The following CIB4 variants were observed in gnomAD, a reference collection of about 807,000 sequenced individuals.
CIB4 encodes the protein calcium and integrin-binding family member 4.
Under a neutral mutation model 25.8 loss-of-function variants are expected in CIB4, and 25 were observed. That is an observed-to-expected ratio of 0.97 (90% CI 0.71 to 1.35). The LOEUF is 1.35. Among genes scored for constraint, CIB4 ranks in the 40% most tolerant of loss-of-function variants. The pLI is 0.00. For synonymous variants in CIB4, 75 were observed against 81.4 expected, an observed-to-expected ratio of 0.92 and a Z score of 0.42; for missense variants, 235 against 228.2, an observed-to-expected ratio of 1.03 and a Z score of -0.19.
intron 3 of CIB4, among the ~76,000 whole-genome samples, chr2:26,604,535 GAA>G (rs1163251589): frequency 6.6e-6 from 1 of 152,022 alleles, no homozygotes; most frequent in African/African-American, 2.4e-5. Context: ...CTGAGAGAAA[GAA>G]AAAAGTCTCT....
At chr2:26,625,207 G>A (rs1436976102) in intron 3 of CIB4, among the ~76,000 whole-genome samples, 35 of 152,136 alleles carry the variant, frequency 2.3e-4, no homozygotes, top group Non-Finnish European at 5.9e-5. Flanking sequence ...TAGAACACCC[G>A]TCAGTGACAG....
intron 2 of CIB4, among the ~76,000 whole-genome samples, chr2:26,633,027 G>A (rs1306904737): frequency 1.3e-5 from 2 of 152,058 alleles, no homozygotes; most frequent in Non-Finnish European, 2.9e-5. Flanking sequence ...CAACTCTCAC[G>A]GACATTCTGC....
chr2:26,628,416 CA>C (rs1669349670), intron 3 of CIB4, among the ~76,000 whole-genome samples: 1 of 152,068 alleles, frequency 6.6e-6, no homozygotes, highest in African/African-American at 2.4e-5. Flanking sequence ...GTGAGGAAAC[CA>C]AGACCAGGGA....
chr2:26,601,608 G>A (rs539736737), intron 3 of CIB4, among the ~76,000 whole-genome samples: 4 of 151,990 alleles, frequency 2.6e-5, no homozygotes, highest in South Asian at 4.2e-4. Context: ...AATCTCGGGG[G>A]CAAAGACTGT....
intron 3 of CIB4, among the ~76,000 whole-genome samples, chr2:26,625,085 T>C (rs1230882526): frequency 6.6e-6 from 1 of 152,086 alleles, no homozygotes; most frequent in Non-Finnish European, 1.5e-5. Context: ...CTGTGGTAGA[T>C]GGCACACCAC....
intron 3 of CIB4, among the ~76,000 whole-genome samples, chr2:26,609,857 C>T (rs1298210953): frequency 3.9e-5 from 6 of 152,140 alleles, no homozygotes; most frequent in Admixed American, 6.5e-5. Flanking sequence ...TCCGAACAAC[C>T]AATATGAAAA....
rs752001912 is a variant in CIB4 at position 26,641,241 on chromosome 2, C to A, written c.54+20G>T. On this transcript the variant is annotated intron_variant, in intron 1 of 6. Transcript: ENST00000288861. Reference sequence around the variant, plus strand: ...GGAAGCTCCCACCTCTGCCCAGAGTCCCTAGCCCGATCTACCCACCTGGTA... The same window carrying A: ...GGAAGCTCCCACCTCTGCCCAGAGTACCTAGCCCGATCTACCCACCTGGTA... 2.5e-6 allele frequency: 4 copies of A among 1,604,148 alleles called. 1 individual carries two copies. The highest frequency in any genetic ancestry group is 3.3e-4 in the Middle Eastern group (2 of 6,052).
chr2:26,623,028 A>C (rs889308143), intron 3 of CIB4, among the ~76,000 whole-genome samples: 3 of 149,498 alleles, frequency 2.0e-5, no homozygotes, highest in African/African-American at 7.6e-5. Context: ...GATAAAAACT[A>C]AAAAAAATTT....
intron 3 of CIB4, among the ~76,000 whole-genome samples, chr2:26,606,492 C>A (rs75705911): frequency 2.6e-5 from 4 of 152,016 alleles, no homozygotes; most frequent in Non-Finnish European, 1.5e-5. Flanking sequence ...AGGACTCCCC[C>A]CTCCTCCCGC....
Position 26,581,523 on chromosome 2 carries a change from C to T in CIB4, c.528-130G>A, listed in dbSNP as rs367981004. 77 of 866,626 alleles carry T rather than the reference C, an allele frequency of 8.9e-5. No individual in the cohort carries two copies. In the African/African-American group the frequency reaches 1.0e-3, roughly 12 times the overall value. 53.7% of individuals were successfully genotyped at this position (866,626 alleles called of 1,614,324 possible). On this transcript the variant is annotated intron_variant, in intron 6 of 6. Coordinates refer to ENST00000288861, the MANE Select transcript of CIB4 (RefSeq NM_001029881.3). ...CGTGTCCCTTTCTCTGGGTGACGGC[C>T]ACTTTGCAGCCATCCCAAAGCAACC... is the stretch of plus-strand genomic sequence containing the variant.
chr2:26,632,705 C>T (rs944947790), intron 2 of CIB4, among the ~76,000 whole-genome samples: 2 of 150,348 alleles, frequency 1.3e-5, no homozygotes, highest in Non-Finnish European at 2.9e-5. Context: ...TTCCAGTGAG[C>T]TGAGATTGCG....
rs1238724291 is a variant in CIB4 at position 26,627,979 on chromosome 2, C to T, written c.186+1431G>A. Among the ~76,000 whole-genome samples the T allele has an allele frequency of 6.6e-6, 1 of 152,200 alleles. No individual in the cohort carries two copies. Among genetic ancestry groups the T allele is most frequent in the Non-Finnish European group, 1.5e-5 (1 of 68,046 alleles). On this transcript the variant is annotated intron_variant, in intron 3 of 6. Transcript: ENST00000288861. The surrounding 1 kb of genome is among the most constrained non-coding windows in gnomAD (Gnocchi z 4.0). ...CCTCCTCCCTGGTATCCCCAGGCCTCTTCCAAGTGGTGGCCACAGTTCTCA... is the reference window on the plus strand; with the variant it reads ...CCTCCTCCCTGGTATCCCCAGGCCTTTTCCAAGTGGTGGCCACAGTTCTCA...
chr2:26,632,466 C>T (rs77739016), intron 2 of CIB4, among the ~76,000 whole-genome samples: 127 of 152,056 alleles, frequency 8.4e-4, no homozygotes, highest in African/African-American at 2.9e-3. Flanking sequence ...CTACAAGGGG[C>T]GAGGGGTAGG....
rs879474454 is a variant in CIB4 at position 26,588,978 on chromosome 2, TTTC to T, written c.329-5083_329-5081del. Among the ~76,000 whole-genome samples, 140 of 69,872 alleles carry T rather than the reference TTTC, an allele frequency of 2.0e-3. 5 individuals carry two copies. Among genetic ancestry groups the T allele is most frequent in the Admixed American group, 6.5e-3 (43 of 6,618 alleles). 45.8% of individuals were successfully genotyped at this position (69,872 alleles called of 152,430 possible). On this transcript the variant is annotated intron_variant, in intron 4 of 6. Coordinates refer to ENST00000288861, the MANE Select transcript of CIB4 (RefSeq NM_001029881.3). Reference sequence around the variant, plus strand: ...CTGCTGCCGCTGCTGCCGCTTCTTCTTTCTTCTTCTTCTTCTTCTTCTTCTTCT... The same window carrying T: ...CTGCTGCCGCTGCTGCCGCTTCTTCTTTCTTCTTCTTCTTCTTCTTCTTCT...
intron 3 of CIB4, among the ~76,000 whole-genome samples, chr2:26,603,997 T>C (rs1390131704): frequency 1.6e-5 from 2 of 126,290 alleles, no homozygotes; most frequent in African/African-American, 3.3e-5. Flanking sequence ...AGCAAGAGCA[T>C]ACCTTAAAAA....
intron 3 of CIB4, among the ~76,000 whole-genome samples, chr2:26,613,347 A>C (rs1017927750): frequency 6.6e-6 from 1 of 152,116 alleles, no homozygotes; most frequent in African/African-American, 2.4e-5. Flanking sequence ...TAAAGAACGT[A>C]TGTCTTCCCA....
intron 3 of CIB4, among the ~76,000 whole-genome samples, chr2:26,595,897 G>GCACACACACACA (rs61283412): frequency 3.1e-5 from 1 of 32,108 alleles, no homozygotes; most frequent in African/African-American, 5.2e-5. Context: ...TTATCTGCGC[G>GCACACACACACA]CACACACACA....
intron 4 of CIB4, among the ~76,000 whole-genome samples, chr2:26,592,229 A>G (rs1668598148): frequency 6.6e-6 from 1 of 152,254 alleles, no homozygotes. Flanking sequence ...ATCTTCCCAG[A>G]GGAGCGACCC....
chr2:26,597,873 A>G (rs1668709042), intron 3 of CIB4, among the ~76,000 whole-genome samples: 1 of 151,302 alleles, frequency 6.6e-6, no homozygotes, highest in Non-Finnish European at 1.5e-5. Flanking sequence ...GAGACCCAGG[A>G]CTCCTGAGCC....
Sources: allele counts gnomAD v4.1 joint callset (sites outside exome capture counted in the v4.1 genomes callset), GRCh38; gene constraint gnomAD v4.1.1; non-coding constraint Gnocchi (gnomAD v3.1); transcripts MANE v1.5; gene names NCBI Gene and HGNC (gene_info 2026-07-23, HGNC 2026-07-21).